SPTBN5: variants seen among roughly 807,000 people sequenced by gnomAD.
SPTBN5 encodes spectrin beta chain, non-erythrocytic 5.
A neutral mutation model predicts 477.6 loss-of-function variants in SPTBN5; 513 were observed. The observed-to-expected ratio is 1.07, with a 90% CI of 1.00 to 1.16. SPTBN5 has a LOEUF of 1.16. SPTBN5 is among the 50% of genes most tolerant of loss of function. The probability of loss-of-function intolerance (pLI) is 0.00; values close to 1 mark genes in which losing one functional copy is unlikely to be tolerated. For synonymous variants in SPTBN5, 2,169 were observed against 2,011.7 expected, an observed-to-expected ratio of 1.08 and a Z score of -2.09; for missense variants, 5,062 against 4,731.8, an observed-to-expected ratio of 1.07 and a Z score of -2.05.
chr15:41,893,411 C>T lies in SPTBN5; in HGVS notation c.87G>A (p.Pro29=), dbSNP rs561291607. ...AGTCCATGGTGAGACTTGGACTGGG[C>T]GGGACCCGGAGTTCTGTGCTGGGCC... ...SRRPSTELRV[P]PSPSLTMDSQ... is the part of the protein sequence containing the mutation. The change falls in exon 2 of 68, where the codon CCG becomes CCA. Residue 29 remains proline (P), a synonymous_variant. Transcript: ENST00000320955. 8.7e-5 allele frequency: 140 copies of T among 1,613,342 alleles called. 1 individual carries two copies. Among genetic ancestry groups the T allele is most frequent in the Middle Eastern group, 3.3e-4 (2 of 6,054 alleles).
At chr15:41,868,742 T>C in intron 32 of SPTBN5, 141 bp from the exon 33 acceptor site, 3 of 712,130 alleles carry the variant, frequency 4.2e-6, no homozygotes, top group East Asian at 2.7e-5. Context: ...GTGAGGCACA[T>C]GTGGCCCTTT....
intron 9 of SPTBN5, 115 bp downstream of exon 9, chr15:41,882,881 G>C: frequency 7.4e-7 from 1 of 1,349,228 alleles, no homozygotes; most frequent in Non-Finnish European, 1.0e-6. Context: ...GGCTTTGGAA[G>C]TGAGGGTCAG....
At position 41,848,330 on chromosome 15, in the gene SPTBN5, C is replaced by G; in HGVS notation, c.*286G>C. 1.8e-6 allele frequency: 1 copy of G among 549,452 alleles called. No homozygotes were observed. Among genetic ancestry groups the G allele is most frequent in the South Asian group, 2.1e-5 (1 of 48,138 alleles). 34.0% of individuals were successfully genotyped at this position (549,452 alleles called of 1,614,324 possible). ...CACCCCTTCCAAGCAAGGAGGAGGCCACATGGGCCTGGGGTAGCCCTGGCC... is the reference window on the plus strand; with the variant it reads ...CACCCCTTCCAAGCAAGGAGGAGGCGACATGGGCCTGGGGTAGCCCTGGCC... On this transcript the variant is annotated 3_prime_UTR_variant, in exon 68 of 68. Transcript: ENST00000320955.
Position 41,882,068 on chromosome 15 carries a change from C to G in SPTBN5, c.2325G>C (p.Gln775His). Reference sequence around the variant, plus strand: ...GCAGGGTCTCGGCGGCCGCCTGGTCCTGACCGCAGGACGCTCTCTCCAGCG... The same window carrying G: ...GCAGGGTCTCGGCGGCCGCCTGGTCGTGACCGCAGGACGCTCTCTCCAGCG... ...RSSLERASCG[Q>H]DQAAAETLLR... The change falls in exon 12 of 68, where the codon CAG becomes CAC. Residue 775 changes from glutamine to histidine, a missense_variant. Gln to His is a conservative substitution (Grantham distance 24). Coordinates refer to ENST00000320955, the MANE Select transcript of SPTBN5 (RefSeq NM_016642.4). 1 of 1,567,710 alleles carries G rather than the reference C, an allele frequency of 6.4e-7. No individual in the cohort carries two copies. Among genetic ancestry groups the G allele is most frequent in the Non-Finnish European group, 8.6e-7 (1 of 1,168,316 alleles).
rs756128588 is a variant in SPTBN5 at position 41,885,890 on chromosome 15, C to T, written c.1365G>A (p.Pro455=). 1.1e-5 allele frequency: 17 copies of T among 1,582,418 alleles called. No individual in the cohort carries two copies. The highest frequency in any genetic ancestry group is 1.5e-5 in the Non-Finnish European group (17 of 1,164,604). Residue 455 remains proline (P), a synonymous_variant, in exon 7 of 68, where the codon CCG becomes CCA. Coordinates refer to ENST00000320955, the MANE Select transcript of SPTBN5 (RefSeq NM_016642.4). The stretch of plus-strand genomic sequence containing the variant: ...CCTCCACTGTGGCCAGGCTGGCTGG[C>T]GGGGCTCTGGCCTGGTCTAGCACCT... The part of the protein sequence containing the change: ...AEQVLDQARA[P]PASLATVEAA...
chr15:41,888,046 C>T lies in SPTBN5; in HGVS notation c.541G>A (p.Glu181Lys), dbSNP rs752723673. The T allele has an allele frequency of 1.2e-5, 19 of 1,582,774 alleles. No homozygotes were observed. The highest frequency in any genetic ancestry group is 7.3e-5 in the Admixed American group (4 of 55,022). The change falls in exon 5 of 68, where the codon GAA (glutamate) becomes AAA (lysine). Residue 181 changes from glutamate to lysine, a missense_variant. Physicochemically the swap from Glu to Lys is moderately conservative, Grantham distance 56. Coordinates refer to ENST00000320955, the MANE Select transcript of SPTBN5 (RefSeq NM_016642.4). ...GASAALLSTK[E>K]ALLVWCQRKT... is the part of the protein sequence containing the mutation. ...CGCTGGCACCAGACCAGCAGGGCTTCCTTGGTGGACAGCAGGGCTGCGCTG... is the reference window on the plus strand; with the variant it reads ...CGCTGGCACCAGACCAGCAGGGCTTTCTTGGTGGACAGCAGGGCTGCGCTG...
chr15:41,876,887 C>A lies in SPTBN5; in HGVS notation c.3773G>T (p.Ser1258Ile), dbSNP rs761228678. Residue 1258 changes from serine to isoleucine, a missense_variant, in exon 19 of 68, where the codon AGC becomes ATC. Ser to Ile is a moderately radical substitution (Grantham distance 142, BLOSUM62 -2). Transcript: ENST00000320955. ...QQHREFGRLL[S>I]TLGPRAEALR... is the part of the protein sequence containing the mutation. ...AGCCTCTGCCCGAGGCCCCAGGGTG[C>A]TCAGGAGCCGCCCAAACTCCCGGTG... 3.1e-6 allele frequency: 5 copies of A among 1,610,516 alleles called. No individual in the cohort carries two copies. Among genetic ancestry groups the A allele is most frequent in the East Asian group, 2.2e-5 (1 of 44,884 alleles).
At chr15:41,864,832 C>T (rs574223152) in intron 39 of SPTBN5, among the ~76,000 whole-genome samples, 1 of 152,356 alleles carries the variant, frequency 6.6e-6, no homozygotes, top group South Asian at 2.1e-4. Context: ...CTGCCTCTGG[C>T]TTCTGTAGAG....
Position 41,870,313 on chromosome 15 carries a change from A to T in SPTBN5, c.5603T>A (p.Leu1868Gln), listed in dbSNP as rs760758428. Reference sequence around the variant, plus strand: ...TCTCAGCTGCGCCTCCAGCCCACACAGGTCCCGTGCCACATTGTTGGGGAG... The same window carrying T: ...TCTCAGCTGCGCCTCCAGCCCACACTGGTCCCGTGCCACATTGTTGGGGAG... ...TSLPNNVARDLCGLEAQLRSH... is the reference protein window; with the variant it reads ...TSLPNNVARDQCGLEAQLRSH... The change falls in exon 31 of 68, where the codon CTG (leucine) becomes CAG (glutamine). Residue 1868 changes from leucine (L) to glutamine (Q), a missense_variant. Coordinates refer to ENST00000320955, the MANE Select transcript of SPTBN5 (RefSeq NM_016642.4). 6 of 1,563,584 alleles carry T rather than the reference A, an allele frequency of 3.8e-6. No individual in the cohort carries two copies. The highest frequency in any genetic ancestry group is 5.2e-6 in the Non-Finnish European group (6 of 1,154,266).
intron 58 of SPTBN5, 24 bp from the exon 59 acceptor site, chr15:41,853,471 T>C: frequency 5.2e-6 from 8 of 1,550,886 alleles, no homozygotes; most frequent in Non-Finnish European, 7.0e-6. Context: ...AAGGGAGCTG[T>C]TGTCAGGGCT....
At chr15:41,850,676 C>T in intron 66 of SPTBN5, 178 bp downstream of exon 66, 1 of 614,368 alleles carries the variant, frequency 1.6e-6, no homozygotes, top group Non-Finnish European at 2.8e-6. Flanking sequence ...TGATCTTGGG[C>T]AAGTTGCGTA....
rs775000576 is a variant in SPTBN5 at position 41,854,892 on chromosome 15, C to T, written c.9508G>A (p.Gly3170Ser). ...CTGGGTGCACCCCGCTCCAGGGTGC[C>T]TGCCAACTTCCTCAGGGCATACACC... is the stretch of plus-strand genomic sequence containing the variant. ...AKVYALRKLA[G>S]TLERGAPRRY... Residue 3170 changes from glycine (G) to serine (S), a missense_variant, in exon 56 of 68, where the codon GGC becomes AGC. Transcript: ENST00000320955. 1.9e-6 allele frequency: 3 copies of T among 1,609,316 alleles called. No individual in the cohort carries two copies. The South Asian group carries it at 3.3e-5, about 18-fold the overall frequency.
At chr15:41,868,632 G>A (rs769434247) in intron 32 of SPTBN5, 31 bp from the exon 33 acceptor site, 86 of 1,590,350 alleles carry the variant, frequency 5.4e-5, no homozygotes, top group Non-Finnish European at 6.6e-5. Flanking sequence ...GGAGAGCCGG[G>A]TGAGGGCTGG....
In SPTBN5 at chr15:41,886,045, C is replaced by G; in HGVS notation, c.1210G>C (p.Glu404Gln). The G allele has an allele frequency of 6.3e-7, 1 of 1,579,264 alleles. No individual in the cohort carries two copies. Among genetic ancestry groups the G allele is most frequent in the Non-Finnish European group, 8.6e-7 (1 of 1,161,090 alleles). Residue 404 changes from glutamate to glutamine, a missense_variant, in exon 7 of 68, where the codon GAG becomes CAG. Physicochemically the swap from Glu to Gln is conservative, Grantham distance 29 (BLOSUM62 2). Transcript: ENST00000320955. ...AELSQCWAGL[E>Q]WAEAARSQAL... Reference sequence around the variant, plus strand: ...TGGCTCCTTGCAGCCTCTGCCCACTCCAGCCCTGCCCAGCACTGGGACAGC... The same window carrying G: ...TGGCTCCTTGCAGCCTCTGCCCACTGCAGCCCTGCCCAGCACTGGGACAGC...
chr15:41,855,462 C>T (rs893456851), intron 54 of SPTBN5, 34 bp from the exon 55 acceptor site: 37 of 1,594,382 alleles, frequency 2.3e-5, no homozygotes, highest in Non-Finnish European at 3.0e-5. Context: ...GGACTGCAGC[C>T]CTGCCTTTCC....
chr15:41,873,674 A>G, intron 25 of SPTBN5, 66 bp from the exon 26 acceptor site: 1 of 1,468,266 alleles, frequency 6.8e-7, no homozygotes, highest in South Asian at 1.2e-5. Flanking sequence ...CCCTGGAGAC[A>G]TCTGCCCCTG....
At chr15:41,880,714 C>T (rs558797355) in intron 13 of SPTBN5, among the ~76,000 whole-genome samples, 4 of 152,288 alleles carry the variant, frequency 2.6e-5, no homozygotes, top group East Asian at 1.9e-4. Context: ...TCGCTTCCTC[C>T]GCTGGGCCCC....
In SPTBN5 at chr15:41,877,437, C is replaced by T. The variant is rs554550300; in HGVS notation, c.3471-81G>A. 87 of 1,510,904 alleles carry T rather than the reference C, an allele frequency of 5.8e-5. No homozygotes were observed. The African/African-American group carries it at 5.8e-4, about 10-fold the overall frequency. 93.6% of individuals were successfully genotyped at this position (1,510,904 alleles called of 1,614,324 possible). The stretch of plus-strand genomic sequence containing the variant: ...CTTCTCCTCTCACCTCCAGGGTTCA[C>T]GCATCTTGGATCATGAATGAGACAC... On this transcript the variant is annotated intron_variant, in intron 17 of 67. Transcript: ENST00000320955.
chr15:41,878,229 C>A (rs2066812399), intron 17 of SPTBN5, 113 bp downstream of exon 17: 4 of 1,309,076 alleles, frequency 3.1e-6, no homozygotes, highest in Non-Finnish European at 4.1e-6. Flanking sequence ...CCAGTCTGGG[C>A]CCCTCCCTGG....
Sources: allele counts gnomAD v4.1 joint callset (sites outside exome capture counted in the v4.1 genomes callset), GRCh38; gene constraint gnomAD v4.1.1; transcripts MANE v1.5; gene names NCBI Gene and HGNC (gene_info 2026-07-23, HGNC 2026-07-21).